Variants in SPOCK3 observed in about 807,000 individuals in gnomAD.
SPOCK3 encodes SPARC (osteonectin), cwcv and kazal like domains proteoglycan 3, also known as testican-3.
A neutral mutation model predicts 56.6 loss-of-function variants in SPOCK3; 30 were observed. The ratio of observed to expected loss-of-function variants is 0.53; its 90% CI spans 0.40 to 0.72. The LOEUF is 0.72. SPOCK3 is among the 30% of genes least tolerant of loss of function. The probability of loss-of-function intolerance (pLI) is 0.00; values close to 1 mark genes in which losing one functional copy is unlikely to be tolerated. For missense variants in SPOCK3, 527 were observed against 530.0 expected (o/e 0.99, Z 0.06); for synonymous variants, 196 against 183.3 (o/e 1.07, Z -0.56).
chr4:166,842,240 C>G (rs557666638), intron 6 of SPOCK3, among the ~76,000 whole-genome samples: 3 of 152,302 alleles, frequency 2.0e-5, no homozygotes, highest in South Asian at 2.1e-4. Context: ...GACTTCAGCA[C>G]GTTGCTTTTG....
rs1252589913 is a variant in SPOCK3 at position 166,802,205 on chromosome 4, T to C, written c.590-9916A>G. On this transcript the variant is annotated intron_variant, in intron 6 of 10. Coordinates refer to ENST00000357545, the MANE Select transcript of SPOCK3 (RefSeq NM_001040159.2). ...AAATGATGCTGAATGCTTGCAGGTA[T>C]ATTTGAGTTTCTGTCTGTAAAGATC... Among the ~76,000 whole-genome samples the C allele has an allele frequency of 5.3e-5, 8 of 151,752 alleles. No homozygotes were observed. The East Asian group carries it at 9.8e-4, about 19-fold the overall frequency.
intron 2 of SPOCK3, among the ~76,000 whole-genome samples, chr4:167,113,552 G>C (rs1453878930): frequency 1.3e-5 from 2 of 152,016 alleles, no homozygotes; most frequent in Admixed American, 1.3e-4. Flanking sequence ...TGAGCAGATA[G>C]ATGGCACATT....
intron 3 of SPOCK3, among the ~76,000 whole-genome samples, chr4:167,047,640 A>G (rs1753846250): frequency 6.6e-6 from 1 of 152,230 alleles, no homozygotes; most frequent in African/African-American, 2.4e-5. Flanking sequence ...TGGCAGTCAG[A>G]CAATGATTTT....
intron 6 of SPOCK3, among the ~76,000 whole-genome samples, chr4:166,867,338 A>C (rs1731952380): frequency 6.6e-6 from 1 of 152,040 alleles, no homozygotes; most frequent in Non-Finnish European, 1.5e-5. Context: ...TTTAATATGC[A>C]TGAGAAAGAG....
intron 4 of SPOCK3, among the ~76,000 whole-genome samples, chr4:166,976,287 A>C (rs545481319): frequency 3.9e-5 from 6 of 152,164 alleles, no homozygotes; most frequent in Non-Finnish European, 5.9e-5. Context: ...CTTCAATGTA[A>C]GTATTTCATA....
chr4:167,112,327 C>A (rs937845716), intron 2 of SPOCK3, among the ~76,000 whole-genome samples: 3 of 152,046 alleles, frequency 2.0e-5, no homozygotes, highest in Admixed American at 6.6e-5. Flanking sequence ...TACAAGTATG[C>A]AACTCCTGTC....
intron 6 of SPOCK3, among the ~76,000 whole-genome samples, chr4:166,803,940 T>C (rs1742881689): frequency 6.6e-6 from 1 of 152,144 alleles, no homozygotes; most frequent in African/African-American, 2.4e-5. Flanking sequence ...CTAACTTTAA[T>C]AGCTACCCTA....
chr4:167,204,245 C>T (rs1227508214), intron 2 of SPOCK3, among the ~76,000 whole-genome samples: 2 of 151,802 alleles, frequency 1.3e-5, no homozygotes, highest in African/African-American at 4.9e-5. Flanking sequence ...GATAGAAACT[C>T]TCTGGATACA....
intron 3 of SPOCK3, among the ~76,000 whole-genome samples, chr4:167,008,383 T>A (rs1034158364): frequency 1.3e-5 from 2 of 152,148 alleles, no homozygotes; most frequent in African/African-American, 4.8e-5. Flanking sequence ...CATTATAAAC[T>A]ATATTACTAG....
intron 4 of SPOCK3, among the ~76,000 whole-genome samples, chr4:166,928,196 T>C (rs1739331626): frequency 6.6e-6 from 1 of 152,146 alleles, no homozygotes; most frequent in African/African-American, 2.4e-5. Context: ...AACATACTCT[T>C]ACCAAGGGAT....
chr4:166,797,087 G>C (rs565429511), intron 6 of SPOCK3, among the ~76,000 whole-genome samples: 1 of 151,886 alleles, frequency 6.6e-6, no homozygotes, highest in East Asian at 1.9e-4. Context: ...GGAGTAAGGA[G>C]GATTTATTAC....
At chr4:166,742,620 T>C (rs994507353) in intron 8 of SPOCK3, among the ~76,000 whole-genome samples, 1 of 152,128 alleles carries the variant, frequency 6.6e-6, no homozygotes, top group East Asian at 1.9e-4. Context: ...AATTTTAATA[T>C]TGTATAATGT....
intron 2 of SPOCK3, among the ~76,000 whole-genome samples, chr4:167,164,919 T>C (rs532511099): frequency 1.3e-5 from 2 of 152,254 alleles, no homozygotes; most frequent in South Asian, 2.1e-4. Context: ...TGTGTCTTTA[T>C]AGTAGAATGA....
intron 7 of SPOCK3, among the ~76,000 whole-genome samples, chr4:166,766,171 C>G (rs565433934): frequency 5.9e-5 from 9 of 152,108 alleles, no homozygotes; most frequent in Non-Finnish European, 1.0e-4. Context: ...TAATTGAATA[C>G]CCTTTATTTC....
intron 2 of SPOCK3, among the ~76,000 whole-genome samples, chr4:167,113,684 A>G (rs747809860): frequency 1.1e-4 from 16 of 152,190 alleles, no homozygotes; most frequent in Non-Finnish European, 2.1e-4. Flanking sequence ...AAACCTCATT[A>G]CCTACCCATA....
chr4:167,207,038 A>G (rs56905468), intron 2 of SPOCK3, among the ~76,000 whole-genome samples: 6,138 of 152,166 alleles, frequency 0.04, 276 homozygotes, highest in African/African-American at 0.11. Flanking sequence ...TATTGTATGT[A>G]TTTAAACAAT....
At chr4:166,831,259 G>A (rs937896745) in intron 6 of SPOCK3, among the ~76,000 whole-genome samples, 1 of 152,124 alleles carries the variant, frequency 6.6e-6, no homozygotes, top group African/African-American at 2.4e-5. Context: ...AACATAGTAA[G>A]TTGTGTCAAC....
intron 6 of SPOCK3, among the ~76,000 whole-genome samples, chr4:166,875,090 GT>G (rs75327781): frequency 0.15 from 22,480 of 151,880 alleles, 2,350 homozygotes; most frequent in African/African-American, 0.29. Context: ...AGATATATTT[GT>G]CATATTTACA....
chr4:166,928,407 A>T (rs900223399), intron 4 of SPOCK3, among the ~76,000 whole-genome samples: 1 of 152,220 alleles, frequency 6.6e-6, no homozygotes, highest in Non-Finnish European at 1.5e-5. Context: ...ATAAACTTTA[A>T]TGCAGTAACT....
Sources: gnomAD v4.1 joint callset for allele counts (sites outside exome capture counted in the v4.1 genomes callset) on GRCh38, gnomAD v4.1.1 for gene constraint, MANE v1.5 for transcripts, NCBI Gene and HGNC (gene_info 2026-07-23, HGNC 2026-07-21) for gene names.